Variants in KIRREL3 observed in about 807,000 individuals in gnomAD.
KIRREL3 encodes the protein kin of IRRE-like protein 3.
In KIRREL3, 36 loss-of-function variants were observed where a neutral mutation model predicts 89.7. The ratio of observed to expected loss-of-function variants is 0.40; its 90% CI spans 0.31 to 0.53. The LOEUF is 0.53. Among genes scored for constraint, KIRREL3 ranks in the 20% least tolerant of loss-of-function variants. KIRREL3 has a pLI of 0.49. For synonymous variants in KIRREL3, 445 were observed against 441.4 expected (o/e 1.01, Z -0.10); for missense variants, 864 against 1,056.6 (o/e 0.82, Z 2.53).
Position 126,949,404 on chromosome 11 carries a change from C to T in KIRREL3, c.55+51051G>A, listed in dbSNP as rs116732918. Among the ~76,000 whole-genome samples the T allele has an allele frequency of 6.5e-3, 990 of 152,286 alleles. 7 individuals are homozygous for T. The highest frequency in any genetic ancestry group is 0.022 in the African/African-American group (925 of 41,538). The stretch of plus-strand genomic sequence containing the variant: ...ATGTGATTAGTAGGCTTTGGACCCT[C>T]GCATCCTTTCCAGTTCTGAAATGTT... On this transcript the variant is annotated intron_variant, in intron 1 of 16. Coordinates refer to ENST00000525144, the MANE Select transcript of KIRREL3 (RefSeq NM_032531.4).
intron 1 of KIRREL3, among the ~76,000 whole-genome samples, chr11:126,774,257 C>A (rs1266914105): frequency 1.3e-5 from 2 of 149,600 alleles, no homozygotes; most frequent in Middle Eastern, 3.2e-3. Flanking sequence ...TCTAACCCTG[C>A]AGGAAAATAG....
chr11:126,644,414 A>G (rs1944583968), intron 1 of KIRREL3, among the ~76,000 whole-genome samples: 1 of 152,202 alleles, frequency 6.6e-6, no homozygotes, highest in Admixed American at 6.5e-5. Context: ...AAGAACTTTG[A>G]CAATTGGAGC....
At chr11:126,617,985 GC>G (rs1156889567) in intron 1 of KIRREL3, among the ~76,000 whole-genome samples, 1 of 152,218 alleles carries the variant, frequency 6.6e-6, no homozygotes, top group Non-Finnish European at 1.5e-5. Flanking sequence ...TGGAGGTGGG[GC>G]CTGGTGGGAG....
At chr11:126,717,652 T>C (rs907161696) in intron 1 of KIRREL3, among the ~76,000 whole-genome samples, 1 of 152,204 alleles carries the variant, frequency 6.6e-6, no homozygotes, top group African/African-American at 2.4e-5. Flanking sequence ...TTTTAATGAG[T>C]TCAGAGTCAT....
rs548123205 is a variant in KIRREL3, at chr11:126,603,001, C to A, written c.56-40089G>T. The stretch of plus-strand genomic sequence containing the variant: ...CTGAGGCATAGAGACCAATAGGAGA[C>A]GCTCTCTCTCCTAGCTCAGACCAAG... On this transcript the variant is annotated intron_variant, in intron 1 of 16. Coordinates refer to ENST00000525144, the MANE Select transcript of KIRREL3 (RefSeq NM_032531.4). Among the ~76,000 whole-genome samples the A allele has an allele frequency of 1.4e-4, 22 of 152,250 alleles. 1 individual carries two copies. Among genetic ancestry groups the A allele is most frequent in the Admixed American group, 9.8e-4 (15 of 15,308 alleles).
rs1199055670 is a variant in KIRREL3 at position 126,780,760 on chromosome 11, T to C, written c.56-217848A>G. Among the ~76,000 whole-genome samples, 2 of 152,126 alleles carry C rather than the reference T, an allele frequency of 1.3e-5. No individual in the cohort carries two copies. The highest frequency in any genetic ancestry group is 2.4e-5 in the African/African-American group (1 of 41,412). On this transcript the variant is annotated intron_variant, in intron 1 of 16. Transcript: ENST00000525144. The surrounding 1 kb of genome is among the most constrained non-coding windows in gnomAD (Gnocchi z 5.3). ...CTGCAGTCTCAGGAATAGGATACAA[T>C]TGTGGTCTTTACATGAAATCAACAA...
intron 1 of KIRREL3, chr11:126,936,122 C>T (rs1948174777): frequency 6.6e-6 from 1 of 152,098 alleles, no homozygotes; most frequent in South Asian, 2.1e-4. Context: ...ATACAAATAG[C>T]TAATAAGCAC....
chr11:126,778,242 C>T lies in KIRREL3; in HGVS notation c.56-215330G>A, dbSNP rs955629920. ...TTAATTAAAATGGGATCATATTATA[C>T]ACCTTGTTCTGTATCTTGCTTCTTC... On this transcript the variant is annotated intron_variant, in intron 1 of 16. Coordinates refer to ENST00000525144, the MANE Select transcript of KIRREL3 (RefSeq NM_032531.4). The surrounding 1 kb of genome is among the most constrained non-coding windows in gnomAD (Gnocchi z 4.5). 3.9e-5 allele frequency among the ~76,000 whole-genome samples: 6 copies of T among 152,216 alleles called. No individual in the cohort carries two copies. The highest frequency in any genetic ancestry group is 3.9e-4 in the Admixed American group (6 of 15,290).
At chr11:126,695,707 G>T (rs990846612) in intron 1 of KIRREL3, among the ~76,000 whole-genome samples, 3 of 152,162 alleles carry the variant, frequency 2.0e-5, no homozygotes. Context: ...TGTCTTGGGG[G>T]CTCTGCTGCA....
intron 1 of KIRREL3, among the ~76,000 whole-genome samples, chr11:126,960,434 CAGT>C (rs2135178873): frequency 6.6e-6 from 1 of 152,296 alleles, no homozygotes; most frequent in South Asian, 2.1e-4. Context: ...AAAGTTCTCC[CAGT>C]GCTCACTCCC....
rs1948857147 is a variant in KIRREL3 at position 126,954,249 on chromosome 11, C to G, written c.55+46206G>C. 6.6e-6 allele frequency among the ~76,000 whole-genome samples: 1 copy of G among 150,532 alleles called. No individual in the cohort carries two copies. The highest frequency in any genetic ancestry group is 2.4e-5 in the African/African-American group (1 of 40,874). ...AGGATTATAGAGGAATTCTGGGAAGCTTTCATCAGGCCTCTTAAAAAAAAA... is the reference window on the plus strand; with the variant it reads ...AGGATTATAGAGGAATTCTGGGAAGGTTTCATCAGGCCTCTTAAAAAAAAA... On this transcript the variant is annotated intron_variant, in intron 1 of 16. Coordinates refer to ENST00000525144, the MANE Select transcript of KIRREL3 (RefSeq NM_032531.4). The surrounding 1 kb of genome is among the most constrained non-coding windows in gnomAD (Gnocchi z 4.1).
At chr11:126,765,498 C>T (rs187080886) in intron 1 of KIRREL3, among the ~76,000 whole-genome samples, 92 of 152,288 alleles carry the variant, frequency 6.0e-4, no homozygotes, top group African/African-American at 1.9e-3. Context: ...TTTATCTCAA[C>T]GGGTCTGTGT....
chr11:126,479,717 T>TC (rs1957170547), intron 4 of KIRREL3, among the ~76,000 whole-genome samples: 1 of 151,990 alleles, frequency 6.6e-6, no homozygotes, highest in Non-Finnish European at 1.5e-5. Flanking sequence ...CTCCCTTCGC[T>TC]CCCCCGGGGC....
rs984071489 is a variant in KIRREL3 at position 126,971,724 on chromosome 11, G to A, written c.55+28731C>T. 7.2e-5 allele frequency among the ~76,000 whole-genome samples: 11 copies of A among 152,260 alleles called. No individual in the cohort carries two copies. The South Asian group carries it at 8.3e-4, about 11-fold the overall frequency. ...GTAACCCAAATTAGCAAAGGGCATCGAAGACGGTCCTCTGAATCTTTCCTA... is the reference window on the plus strand; with the variant it reads ...GTAACCCAAATTAGCAAAGGGCATCAAAGACGGTCCTCTGAATCTTTCCTA... On this transcript the variant is annotated intron_variant, in intron 1 of 16. Transcript: ENST00000525144.
chr11:126,843,083 A>C lies in KIRREL3; in HGVS notation c.55+157372T>G, dbSNP rs1229917361. On this transcript the variant is annotated intron_variant, in intron 1 of 16. Transcript: ENST00000525144. The surrounding 1 kb of genome is among the most constrained non-coding windows in gnomAD (Gnocchi z 4.6). The stretch of plus-strand genomic sequence containing the variant: ...CAAAGTCAAACTGAGGGGCTGGCTC[A>C]CATTTCTATATAACAGTGTCCTCGT... Among the ~76,000 whole-genome samples the C allele has an allele frequency of 6.6e-6, 1 of 152,180 alleles. No individual in the cohort carries two copies. Among genetic ancestry groups the C allele is most frequent in the African/African-American group, 2.4e-5 (1 of 41,436 alleles).
upstream of KIRREL3, among the ~76,000 whole-genome samples, chr11:127,002,748 CTGT>C (rs1950336451): frequency 6.6e-6 from 1 of 152,160 alleles, no homozygotes; most frequent in Non-Finnish European, 1.5e-5. Flanking sequence ...ATCCTTTAAG[CTGT>C]TGTTTAATTT....
intron 1 of KIRREL3, among the ~76,000 whole-genome samples, chr11:126,831,390 C>T (rs1017072385): frequency 8.6e-5 from 13 of 150,730 alleles, no homozygotes; most frequent in African/African-American, 3.2e-4. Flanking sequence ...GTCTCTCTTT[C>T]TCTCTCTTAA....
rs575341402 is a variant in KIRREL3, at chr11:126,870,134, G to T, written c.55+130321C>A. On this transcript the variant is annotated intron_variant, in intron 1 of 16. Transcript: ENST00000525144. The surrounding 1 kb of genome is among the most constrained non-coding windows in gnomAD (Gnocchi z 4.4). Reference sequence around the variant, plus strand: ...TGAGCACTGTGATTAATGACCAGGAGTGAGTGTGGGCGAGTGTGGGGCACA... The same window carrying T: ...TGAGCACTGTGATTAATGACCAGGATTGAGTGTGGGCGAGTGTGGGGCACA... Among the ~76,000 whole-genome samples, 7 of 152,324 alleles carry T rather than the reference G, an allele frequency of 4.6e-5. No individual in the cohort carries two copies. The highest frequency in any genetic ancestry group is 1.4e-4 in the African/African-American group (6 of 41,568).
At chr11:126,680,415 T>TATATATATATATATACAC (rs551073557) in intron 1 of KIRREL3, among the ~76,000 whole-genome samples, 1 of 151,498 alleles carries the variant, frequency 6.6e-6, no homozygotes, top group African/African-American at 2.4e-5. Flanking sequence ...TATATATATA[T>TATATATATATATATACAC]ACACATAGCC....
Sources: gnomAD v4.1 joint callset for allele counts (sites outside exome capture counted in the v4.1 genomes callset) on GRCh38, gnomAD v4.1.1 for gene constraint, Gnocchi (gnomAD v3.1) non-coding constraint, MANE v1.5 for transcripts, NCBI Gene and HGNC (gene_info 2026-07-23, HGNC 2026-07-21) for gene names.